The following ENTPD3 variants were observed in gnomAD, a reference collection of about 807,000 sequenced individuals.
ENTPD3 encodes the protein ectonucleoside triphosphate diphosphohydrolase 3.
Under a neutral mutation model 51.2 loss-of-function variants are expected in ENTPD3, and 60 were observed. The ratio of observed to expected loss-of-function variants is 1.17; its 90% confidence interval spans 0.95 to 1.45. ENTPD3 has a LOEUF of 1.45. Ranked by LOEUF, ENTPD3 falls within the 40% of genes most tolerant of loss-of-function variation. The pLI, the probability that ENTPD3 is intolerant of heterozygous loss-of-function variation, is 0.00. For missense variants in ENTPD3, 593 were observed against 641.1 expected (o/e 0.93, Z 0.81); for synonymous variants, 221 against 238.4 (o/e 0.93, Z 0.67).
At chr3:40,392,362 C>T in intron 3 of ENTPD3, 1 of 577,604 alleles carries the variant, frequency 1.7e-6, no homozygotes, top group Non-Finnish European at 3.0e-6. Context: ...GTGACTGACA[C>T]CTTCTCCAAG....
intron 4 of ENTPD3, among the ~76,000 whole-genome samples, chr3:40,405,313 T>C (rs1483686613): frequency 2.0e-5 from 3 of 152,002 alleles, no homozygotes; most frequent in African/African-American, 7.3e-5. Flanking sequence ...GAGACCAGCC[T>C]GGCCAACATG....
Position 40,411,921 on chromosome 3 carries a change from C to T in ENTPD3, c.396C>T (p.Thr132=). Residue 132 remains threonine, a synonymous_variant, in exon 5 of 11, where the codon ACC becomes ACT. Transcript: ENST00000301825. The part of the protein sequence containing the change: ...GQVPSHLHGS[T]PIHLGATAGM... ...TTCCATCCCACCTCCACGGATCCAC[C>T]CCCATTCACCTGGGAGCCACGGCTG... is the stretch of plus-strand genomic sequence containing the variant. 5.0e-6 allele frequency: 8 copies of T among 1,611,948 alleles called. No individual in the cohort carries two copies. Among genetic ancestry groups the T allele is most frequent in the Non-Finnish European group, 6.8e-6 (8 of 1,179,168 alleles).
At chr3:40,409,129 G>A (rs553014259) in intron 4 of ENTPD3, among the ~76,000 whole-genome samples, 79 of 151,882 alleles carry the variant, frequency 5.2e-4, no homozygotes, top group African/African-American at 1.8e-3. Flanking sequence ...GTGCATACCT[G>A]TAGTCCCAGC....
Position 40,415,847 on chromosome 3 carries a change from T to C in ENTPD3, c.605T>C (p.Leu202Pro). 1 of 1,613,782 alleles carries C rather than the reference T, an allele frequency of 6.2e-7. No individual in the cohort carries two copies. The highest frequency in any genetic ancestry group is 1.3e-5 in the African/African-American group (1 of 75,062). Residue 202 changes from leucine to proline, a missense_variant, in exon 7 of 11, where the codon CTG becomes CCG. Coordinates refer to ENST00000301825, the MANE Select transcript of ENTPD3 (RefSeq NM_001248.4). Reference protein sequence around the residue: ...YLMGNFLEKNLWHMWVHPHGV... With the variant: ...YLMGNFLEKNPWHMWVHPHGV... ...CCTTTTCCCACTGTGCAGAAGAACC[T>C]GTGGCACATGTGGGTGCACCCGCAT...
rs780310332 is a variant in ENTPD3 at position 40,423,008 on chromosome 3, C to G, written c.990C>G (p.Asp330Glu). 3 of 1,613,962 alleles carry G rather than the reference C, an allele frequency of 1.9e-6. No homozygotes were observed. Among genetic ancestry groups the G allele is most frequent in the Non-Finnish European group, 2.5e-6 (3 of 1,180,008 alleles). Residue 330 changes from aspartate (D) to glutamate (E), a missense_variant, in exon 8 of 11, where the codon GAC (aspartate) becomes GAG (glutamate). Transcript: ENST00000301825. ...NDVITFEGTG[D>E]PSLCKEKVAS... is the part of the protein sequence containing the mutation. ...TCATCACTTTTGAAGGAACTGGGGA[C>G]CCATCTCTGTGTAAGGAGAAGGTGG...
chr3:40,420,070 C>T (rs1277778962), intron 7 of ENTPD3, among the ~76,000 whole-genome samples: 3 of 152,066 alleles, frequency 2.0e-5, no homozygotes, highest in Non-Finnish European at 2.9e-5. Flanking sequence ...TTTATGTTAT[C>T]TTGTTTCTTC....
chr3:40,392,266 G>A, intron 3 of ENTPD3, 116 bp downstream of exon 3: 2 of 1,230,264 alleles, frequency 1.6e-6, no homozygotes, highest in Non-Finnish European at 1.1e-6. Context: ...ATCTCTGGCT[G>A]AAGCCAGGAG....
intron 3 of ENTPD3, 63 bp downstream of exon 3, chr3:40,392,213 T>G (rs1955074627): frequency 8.2e-6 from 13 of 1,580,958 alleles, no homozygotes; most frequent in African/African-American, 1.4e-5. Context: ...AAATCAATTA[T>G]TCCAAAACCA....
At chr3:40,425,199 C>A (rs563892340) in intron 10 of ENTPD3, among the ~76,000 whole-genome samples, 168 of 151,532 alleles carry the variant, frequency 1.1e-3, no homozygotes, top group Non-Finnish European at 2.0e-3. Flanking sequence ...AGGCGGATCA[C>A]CTGAGGTCAG....
intron 10 of ENTPD3, among the ~76,000 whole-genome samples, chr3:40,425,797 C>T (rs564650105): frequency 1.3e-5 from 2 of 151,336 alleles, no homozygotes; most frequent in Admixed American, 1.3e-4. Context: ...ACTCAGGAGG[C>T]TGAGGCAGGA....
At chr3:40,422,246 G>A (rs535476180) in intron 7 of ENTPD3, among the ~76,000 whole-genome samples, 93 of 124,720 alleles carry the variant, frequency 7.5e-4, no homozygotes, top group Middle Eastern at 4.1e-3. Context: ...TTCTCTCTTG[G>A]CATTGGAGGG....
intron 7 of ENTPD3, among the ~76,000 whole-genome samples, chr3:40,420,041 T>A (rs762625777): frequency 2.0e-5 from 3 of 152,198 alleles, no homozygotes; most frequent in Non-Finnish European, 2.9e-5. Context: ...GCTTTTCCTA[T>A]GTACTAAGTC....
rs1397873602 is a variant in ENTPD3 at position 40,423,811 on chromosome 3, T to G, written c.1216-15T>G. 4 of 1,613,390 alleles carry G rather than the reference T, an allele frequency of 2.5e-6. No individual in the cohort carries two copies. The highest frequency in any genetic ancestry group is 3.4e-6 in the Non-Finnish European group (4 of 1,179,606). ...ACCTGCCTGCCCTGCCTCTCAGATG[T>G]TTTAAACCTTTCAGCTCCCACTGCT... is the stretch of plus-strand genomic sequence containing the variant. On this transcript the variant is annotated splice_polypyrimidine_tract_variant and intron_variant, in intron 9 of 10. Transcript: ENST00000301825.
chr3:40,393,472 T>C (rs1955113692), intron 3 of ENTPD3, among the ~76,000 whole-genome samples: 1 of 152,184 alleles, frequency 6.6e-6, no homozygotes, highest in Non-Finnish European at 1.5e-5. Context: ...CATAGACATT[T>C]TTAAAAGAAA....
intron 2 of ENTPD3, among the ~76,000 whole-genome samples, chr3:40,390,277 A>G (rs1955023398): frequency 6.6e-6 from 1 of 152,166 alleles, no homozygotes. Flanking sequence ...AGCTCACTGC[A>G]GCCTTGAGCT....
At position 40,423,794 on chromosome 3, in the gene ENTPD3, G is replaced by A. The variant is rs371071401; in HGVS notation, c.1216-32G>A. 5 of 1,609,208 alleles carry A rather than the reference G, an allele frequency of 3.1e-6. No individual in the cohort carries two copies. In the African/African-American group the frequency reaches 4.0e-5, roughly 13 times the overall value. ...TGTTCATTTTAAAACATACCTGCCT[G>A]CCCTGCCTCTCAGATGTTTTAAACC... On this transcript the variant is annotated intron_variant, in intron 9 of 10. Coordinates refer to ENST00000301825, the MANE Select transcript of ENTPD3 (RefSeq NM_001248.4).
intron 7 of ENTPD3, among the ~76,000 whole-genome samples, chr3:40,421,170 CG>C (rs1955865037): frequency 1.3e-5 from 2 of 151,496 alleles, no homozygotes; most frequent in African/African-American, 4.9e-5. Flanking sequence ...ACTACAGGTG[CG>C]TGCCACCACG....
At chr3:40,417,612 C>T (rs1045986384) in intron 7 of ENTPD3, among the ~76,000 whole-genome samples, 11 of 152,102 alleles carry the variant, frequency 7.2e-5, no homozygotes, top group African/African-American at 2.7e-4. Flanking sequence ...TTCCATGGCT[C>T]CCATCCCAAC....
rs1401931753 is a variant in ENTPD3, at chr3:40,401,012, G to GT, written c.286+2dup. 2.5e-6 allele frequency: 4 copies of GT among 1,608,624 alleles called. No individual in the cohort carries two copies. The highest frequency in any genetic ancestry group is 3.4e-6 in the Non-Finnish European group (4 of 1,175,026). ...CAAACCTTCAAATGTAGTGTGAAAG[G>GT]TAAGGACTGAAGTGTGTCTGGGAGT... On this transcript the variant is annotated splice_donor_variant, in intron 4 of 10. Coordinates refer to ENST00000301825, the MANE Select transcript of ENTPD3 (RefSeq NM_001248.4). LOFTEE classifies it high-confidence loss of function.
Sources: allele counts gnomAD v4.1 joint callset (sites outside exome capture counted in the v4.1 genomes callset), GRCh38; gene constraint gnomAD v4.1.1; transcripts MANE v1.5; gene names NCBI Gene and HGNC (gene_info 2026-07-23, HGNC 2026-07-21).